Variants in GPR149 observed in about 807,000 individuals in gnomAD.
GPR149 encodes G protein-coupled receptor 149.
A neutral mutation model predicts 50.2 loss-of-function variants in GPR149; 50 were observed. The ratio of observed to expected loss-of-function variants is 1.00; its 90% CI spans 0.79 to 1.26. The LOEUF (loss-of-function observed/expected upper bound fraction) is 1.26. Among genes scored for constraint, GPR149 ranks in the 50% most tolerant of loss-of-function variants. The pLI, the probability that GPR149 is intolerant of heterozygous loss-of-function variation, is 0.00. For missense variants in GPR149, 983 were observed against 895.4 expected (o/e 1.10, Z -1.25); for synonymous variants, 405 against 358.2 (o/e 1.13, Z -1.48).
chr3:154,350,459 G>T (rs531643232), intron 3 of GPR149, among the ~76,000 whole-genome samples: 7 of 152,096 alleles, frequency 4.6e-5, no homozygotes, highest in Admixed American at 2.6e-4. Context: ...TGCTAAAAAG[G>T]TTAAAGATTT....
chr3:154,425,761 A>G (rs1003563316), intron 2 of GPR149, among the ~76,000 whole-genome samples: 2 of 152,148 alleles, frequency 1.3e-5, no homozygotes, highest in African/African-American at 4.8e-5. Flanking sequence ...TTTAATTTCA[A>G]ACCTGTGATA....
Position 154,396,809 on chromosome 3 carries a change from G to T in GPR149, c.1623+24230C>A, listed in dbSNP as rs952070284. On this transcript the variant is annotated intron_variant, in intron 3 of 3. Transcript: ENST00000389740. The stretch of plus-strand genomic sequence containing the variant: ...ATCATTTCTATCAGACTATCAGACT[G>T]GAGTAGTGAGGGAGTAGAGGTTAAA... Among the ~76,000 whole-genome samples, 7 of 151,656 alleles carry T rather than the reference G, an allele frequency of 4.6e-5. No homozygotes were observed. In the South Asian group the frequency reaches 1.5e-3, roughly 32 times the overall value.
At position 154,351,311 on chromosome 3, in the gene GPR149, T is replaced by TGCAAAAAAAAAAA. The variant is rs1341107044; in HGVS notation, c.1624-13041_1624-13040insTTTTTTTTTTTGC. On this transcript the variant is annotated intron_variant, in intron 3 of 3. Transcript: ENST00000389740. The stretch of plus-strand genomic sequence containing the variant: ...GTGCTAGGGCAATTAGACATCCACA[T>TGCAAAAAAAAAAA]ACAAAAAAAAAAAAAAAAAAAAAAA... Among the ~76,000 whole-genome samples, 10 of 19,710 alleles carry TGCAAAAAAAAAAA rather than the reference T, an allele frequency of 5.1e-4. 3 individuals carry two copies. The highest frequency in any genetic ancestry group is 1.9e-3 in the Admixed American group (2 of 1,054). The allele number at this position is 19,710 out of a possible 152,430, so 12.9% of individuals were successfully genotyped here. A position where few individuals can be genotyped will look rare whatever the true frequency, so the allele number is the denominator to read the frequency against.
At chr3:154,420,131 GT>G (rs1294742162) in intron 3 of GPR149, among the ~76,000 whole-genome samples, 29 of 152,026 alleles carry the variant, frequency 1.9e-4, no homozygotes, top group Admixed American at 6.6e-4. Context: ...TGATCAATGA[GT>G]ACATTACTCC....
chr3:154,351,907 A>AT (rs1302147109), intron 3 of GPR149, among the ~76,000 whole-genome samples: 2 of 152,138 alleles, frequency 1.3e-5, no homozygotes, highest in South Asian at 2.1e-4. Context: ...TAATATTCTC[A>AT]TTTTTTCTAA....
At chr3:154,356,344 G>A (rs1383980318) in intron 3 of GPR149, among the ~76,000 whole-genome samples, 1 of 152,132 alleles carries the variant, frequency 6.6e-6, no homozygotes, top group African/African-American at 2.4e-5. Flanking sequence ...AATCAGGCAG[G>A]AGAAGGAAAT....
At chr3:154,417,274 T>C (rs1396254417) in intron 3 of GPR149, among the ~76,000 whole-genome samples, 2 of 152,016 alleles carry the variant, frequency 1.3e-5, no homozygotes, top group African/African-American at 4.8e-5. Context: ...AGTAATTGTG[T>C]GGCCATGTTT....
intron 3 of GPR149, among the ~76,000 whole-genome samples, chr3:154,340,490 G>A (rs1187599132): frequency 6.6e-6 from 1 of 152,196 alleles, no homozygotes; most frequent in Non-Finnish European, 1.5e-5. Flanking sequence ...TGCTAAGTAA[G>A]GATGTACATG....
rs1489054135 is a variant in GPR149, at chr3:154,421,021, G to GA, written c.1623+17dup. The GA allele has an allele frequency of 6.5e-7, 1 of 1,540,938 alleles. No individual in the cohort carries two copies. Among genetic ancestry groups the GA allele is most frequent in the Non-Finnish European group, 8.8e-7 (1 of 1,138,498 alleles). On this transcript the variant is annotated intron_variant, in intron 3 of 3. Coordinates refer to ENST00000389740, the MANE Select transcript of GPR149 (RefSeq NM_001038705.3). ...AGTATCACTTTCAATTTAACAGCAA[G>GA]AACAACTTTTACTGTACCTGACGAG...
chr3:154,353,890 A>G (rs1714150927), intron 3 of GPR149: 3 of 566,794 alleles, frequency 5.3e-6, no homozygotes, highest in African/African-American at 1.9e-5. Flanking sequence ...GAAGCTTTAC[A>G]GTCTCTTCAG....
intron 3 of GPR149, among the ~76,000 whole-genome samples, chr3:154,343,652 T>C (rs1356238822): frequency 6.6e-6 from 1 of 152,170 alleles, no homozygotes; most frequent in Non-Finnish European, 1.5e-5. Context: ...GGGGTATAGC[T>C]AATTTCCCAT....
At position 154,429,588 on chromosome 3, in the gene GPR149, T is replaced by C. The variant is rs1712428315; in HGVS notation, c.28A>G (p.Thr10Ala). The part of the protein sequence containing the change: MSLFLSNLS[T>A]NDSSLWKENH... ...TCTTTCCACAGGCTAGAGTCATTTG[T>C]TGATAAGTTACTGAGAAATAAAGAC... Residue 10 changes from threonine (T) to alanine (A), a missense_variant, in exon 1 of 4, where the codon ACA (threonine) becomes GCA (alanine). Transcript: ENST00000389740. 3 of 1,613,264 alleles carry C rather than the reference T, an allele frequency of 1.9e-6. No individual in the cohort carries two copies. Among genetic ancestry groups the C allele is most frequent in the Middle Eastern group, 1.7e-4 (1 of 6,060 alleles).
At chr3:154,387,167 T>C (rs769326383) in intron 3 of GPR149, among the ~76,000 whole-genome samples, 57 of 152,224 alleles carry the variant, frequency 3.7e-4, no homozygotes, top group Non-Finnish European at 1.9e-4. Context: ...TTGAGCACAC[T>C]CTCTTCCTCC....
chr3:154,366,341 C>T (rs1714532514), intron 3 of GPR149, among the ~76,000 whole-genome samples: 1 of 152,118 alleles, frequency 6.6e-6, no homozygotes, highest in Admixed American at 6.5e-5. Flanking sequence ...AGATAGCAGA[C>T]CCTGAAGGAA....
chr3:154,372,336 GT>G (rs1714685539), intron 3 of GPR149, among the ~76,000 whole-genome samples: 2 of 152,044 alleles, frequency 1.3e-5, no homozygotes, highest in Non-Finnish European at 1.5e-5. Flanking sequence ...TGAAAATTTT[GT>G]TGTAAACTTC....
intron 3 of GPR149, among the ~76,000 whole-genome samples, chr3:154,355,999 A>G (rs1365197300): frequency 6.6e-6 from 1 of 152,234 alleles, no homozygotes; most frequent in Non-Finnish European, 1.5e-5. Flanking sequence ...GCATCAAACT[A>G]AAAAGCAAAT....
At chr3:154,407,831 A>G (rs1711740069) in intron 3 of GPR149, among the ~76,000 whole-genome samples, 1 of 151,984 alleles carries the variant, frequency 6.6e-6, no homozygotes, top group South Asian at 2.1e-4. Flanking sequence ...ACTATTTTCC[A>G]ATTAAAGGAA....
intron 3 of GPR149, among the ~76,000 whole-genome samples, chr3:154,406,027 T>G (rs1295093932): frequency 1.3e-5 from 2 of 151,938 alleles, no homozygotes; most frequent in Non-Finnish European, 2.9e-5. Flanking sequence ...ATATAATGGA[T>G]GAAGAACTAA....
At position 154,372,517 on chromosome 3, in the gene GPR149, G is replaced by A. The variant is rs1714688879; in HGVS notation, c.1624-34246C>T. ...TGTCTCCCTTGCCATGCCGCTGCAAGGTCATAAAGTAGATATACCAATATC... is the reference window on the plus strand; with the variant it reads ...TGTCTCCCTTGCCATGCCGCTGCAAAGTCATAAAGTAGATATACCAATATC... On this transcript the variant is annotated intron_variant, in intron 3 of 3. Coordinates refer to ENST00000389740, the MANE Select transcript of GPR149 (RefSeq NM_001038705.3). Among the ~76,000 whole-genome samples the A allele has an allele frequency of 2.0e-5, 3 of 152,158 alleles. 1 individual carries two copies. The South Asian group carries it at 6.2e-4, about 31-fold the overall frequency.
Sources: gnomAD v4.1 joint callset for allele counts (sites outside exome capture counted in the v4.1 genomes callset) on GRCh38, gnomAD v4.1.1 for gene constraint, MANE v1.5 for transcripts, NCBI Gene and HGNC (gene_info 2026-07-23, HGNC 2026-07-21) for gene names.